MDFIC: variants seen among roughly 807,000 people sequenced by gnomAD.
The protein encoded by MDFIC is myoD family inhibitor domain-containing protein.
A neutral mutation model predicts 23.2 loss-of-function variants in MDFIC; 17 were observed. The observed-to-expected ratio is 0.73, with a 90% CI of 0.50 to 1.10. MDFIC has a LOEUF of 1.10. Ranked by LOEUF, MDFIC falls within the 50% of genes least tolerant of loss-of-function variation. The probability of loss-of-function intolerance (pLI) is 0.00; values close to 1 mark genes in which losing one functional copy is unlikely to be tolerated. For synonymous variants in MDFIC, 120 were observed against 115.2 expected (o/e 1.04, Z -0.27); for missense variants, 356 against 316.6 (o/e 1.12, Z -0.95).
intron 2 of MDFIC, among the ~76,000 whole-genome samples, chr7:114,932,877 T>C (rs1204262042): frequency 1.3e-5 from 2 of 152,228 alleles, no homozygotes; most frequent in Non-Finnish European, 2.9e-5. Flanking sequence ...TCAATTTCAG[T>C]ATACTTCAAA....
At chr7:114,953,764 T>G (rs113498689) in intron 3 of MDFIC, among the ~76,000 whole-genome samples, 15 of 152,362 alleles carry the variant, frequency 9.8e-5, no homozygotes, top group African/African-American at 3.6e-4. Context: ...GCATGGTATT[T>G]GCATATAACC....
In MDFIC at chr7:115,018,503, TA is replaced by T. The variant is rs1423119174; in HGVS notation, c.*2571del. On this transcript the variant is annotated 3_prime_UTR_variant, in exon 5 of 5. Coordinates refer to ENST00000393486, the MANE Select transcript of MDFIC (RefSeq NM_001166345.3). ...TTGTCTACTCCAGACAGTTATTCCA[TA>T]AAGCATTTGTATAATTAAAAGGAAA... is the stretch of plus-strand genomic sequence containing the variant. 1 of 152,402 alleles carries T rather than the reference TA, an allele frequency of 6.6e-6. No homozygotes were observed. Among genetic ancestry groups the T allele is most frequent in the African/African-American group, 2.4e-5 (1 of 41,436 alleles). 9.4% of individuals were successfully genotyped at this position (152,402 alleles called of 1,614,324 possible).
intron 4 of MDFIC, chr7:115,014,160 T>C (rs1791743347): frequency 1.0e-6 from 1 of 985,238 alleles, no homozygotes; most frequent in African/African-American, 1.7e-5. Flanking sequence ...TCTCCTTTCA[T>C]CCTCTGAATT....
intron 1 of MDFIC, 134 bp from the exon 2 acceptor site, chr7:114,922,793 G>T (rs114519329): frequency 2.7e-5 from 35 of 1,311,768 alleles, no homozygotes; most frequent in East Asian, 1.8e-4. Context: ...AGTTTTCTTC[G>T]CAAGTTTCAA....
At chr7:115,006,575 A>G (rs1274747779) in intron 4 of MDFIC, among the ~76,000 whole-genome samples, 1 of 152,236 alleles carries the variant, frequency 6.6e-6, no homozygotes, top group African/African-American at 2.4e-5. Context: ...AGGACAAATG[A>G]AAAGAGATGA....
chr7:115,002,893 G>A (rs1019120612), intron 4 of MDFIC, among the ~76,000 whole-genome samples: 1 of 152,190 alleles, frequency 6.6e-6, no homozygotes, highest in African/African-American at 2.4e-5. Context: ...TAGTGAGTGT[G>A]TGTAGGTGGG....
chr7:114,922,522 G>C lies in MDFIC; in HGVS notation c.-222G>C. On this transcript the variant is annotated 5_prime_UTR_variant, in exon 1 of 5. Coordinates refer to ENST00000393486, the MANE Select transcript of MDFIC (RefSeq NM_001166345.3). ...ACGCGCAGGGGCGGCCGCCGCCGTCGTCAGGCCACCGGGGCGAAAATGCGG... is the reference window on the plus strand; with the variant it reads ...ACGCGCAGGGGCGGCCGCCGCCGTCCTCAGGCCACCGGGGCGAAAATGCGG... 7.9e-7 allele frequency: 1 copy of C among 1,261,574 alleles called. No individual in the cohort carries two copies. The allele number at this position is 1,261,574 out of a possible 1,614,324, so 78.1% of individuals were successfully genotyped here.
intron 2 of MDFIC, among the ~76,000 whole-genome samples, chr7:114,939,371 G>T (rs1052357395): frequency 1.3e-5 from 2 of 152,168 alleles, no homozygotes; most frequent in African/African-American, 4.8e-5. Flanking sequence ...GAGAAGCAAA[G>T]TTGAATAGAC....
At chr7:114,992,097 C>A (rs376196859) in intron 4 of MDFIC, among the ~76,000 whole-genome samples, 7 of 152,132 alleles carry the variant, frequency 4.6e-5, no homozygotes, top group Admixed American at 6.6e-5. Context: ...TAGGTATTTT[C>A]TTCTCTTTGA....
intron 3 of MDFIC, among the ~76,000 whole-genome samples, chr7:114,976,917 T>A (rs905860869): frequency 6.6e-6 from 1 of 152,108 alleles, no homozygotes; most frequent in African/African-American, 2.4e-5. Context: ...TAAGTCCTCT[T>A]TAGCACATTT....
At chr7:115,000,645 T>C (rs575524643) in intron 4 of MDFIC, among the ~76,000 whole-genome samples, 1 of 152,204 alleles carries the variant, frequency 6.6e-6, no homozygotes, top group Non-Finnish European at 1.5e-5. Flanking sequence ...TACATTAAAT[T>C]GAAATGATAA....
In MDFIC at chr7:114,938,645, T is replaced by A. The variant is rs1423337291; in HGVS notation, c.95-3630T>A. On this transcript the variant is annotated intron_variant, in intron 2 of 4. Coordinates refer to ENST00000393486, the MANE Select transcript of MDFIC (RefSeq NM_001166345.3). Reference sequence around the variant, plus strand: ...GCTTAGAAAGACAGCATTGTTGAGATAATGAAGGCCCCCTTTTAAGAGAAA... The same window carrying A: ...GCTTAGAAAGACAGCATTGTTGAGAAAATGAAGGCCCCCTTTTAAGAGAAA... Among the ~76,000 whole-genome samples the A allele has an allele frequency of 3.9e-5, 6 of 152,292 alleles. No individual in the cohort carries two copies. The South Asian group carries it at 1.2e-3, about 32-fold the overall frequency.
At chr7:115,005,675 A>G (rs1392963738) in intron 4 of MDFIC, among the ~76,000 whole-genome samples, 2 of 152,238 alleles carry the variant, frequency 1.3e-5, no homozygotes, top group African/African-American at 2.4e-5. Context: ...ATTTTAGAGT[A>G]TACTTGCAAA....
chr7:114,973,086 G>C (rs1226724558), intron 3 of MDFIC, among the ~76,000 whole-genome samples: 1 of 129,698 alleles, frequency 7.7e-6, no homozygotes, highest in Non-Finnish European at 1.6e-5. Flanking sequence ...GGCAGTTTAT[G>C]TATCGTGTGT....
chr7:114,925,334 C>A (rs1226912123), intron 2 of MDFIC, among the ~76,000 whole-genome samples: 1 of 152,102 alleles, frequency 6.6e-6, no homozygotes, highest in African/African-American at 2.4e-5. Context: ...AATCTGAACT[C>A]CACATCAAGT....
At chr7:114,947,060 C>T (rs1792660743) in intron 3 of MDFIC, among the ~76,000 whole-genome samples, 2 of 152,134 alleles carry the variant, frequency 1.3e-5, no homozygotes, top group African/African-American at 4.8e-5. Flanking sequence ...TATTTCACAG[C>T]TCTCATTTGA....
intron 3 of MDFIC, among the ~76,000 whole-genome samples, chr7:114,965,824 T>A (rs1196306707): frequency 2.0e-5 from 3 of 152,238 alleles, no homozygotes; most frequent in African/African-American, 4.8e-5. Context: ...TTCCCTACTT[T>A]GTTATTTCAT....
chr7:114,925,363 T>G (rs1215401228), intron 2 of MDFIC, among the ~76,000 whole-genome samples: 1 of 152,304 alleles, frequency 6.6e-6, no homozygotes, highest in East Asian at 1.9e-4. Context: ...CAATTCTACA[T>G]CCTTTTAGGT....
chr7:114,956,319 G>A (rs996224515), intron 3 of MDFIC, among the ~76,000 whole-genome samples: 1 of 151,306 alleles, frequency 6.6e-6, no homozygotes, highest in Admixed American at 6.6e-5. Context: ...AACAGTTCTT[G>A]GGCTTAATAC....
Sources: allele counts gnomAD v4.1 joint callset (sites outside exome capture counted in the v4.1 genomes callset), GRCh38; gene constraint gnomAD v4.1.1; transcripts MANE v1.5; gene names NCBI Gene and HGNC (gene_info 2026-07-23, HGNC 2026-07-21).